MIR2052HG: variants seen among roughly 807,000 people sequenced by gnomAD.
MIR2052HG encodes the protein MIR2052 host gene.
At chr8:74,624,388 T>C (rs533350473) in intron 2 of MIR2052HG, among the ~76,000 whole-genome samples, 4 of 152,360 alleles carry the variant, frequency 2.6e-5, no homozygotes, top group Admixed American at 1.3e-4. Context: ...TTTGATCAGA[T>C]TGACTTTCTG....
intron 2 of MIR2052HG, among the ~76,000 whole-genome samples, chr8:74,685,978 A>C (rs1347900659): frequency 6.6e-6 from 1 of 152,054 alleles, no homozygotes; most frequent in African/African-American, 2.4e-5. Context: ...AGTTGATGTC[A>C]GACACCTATT....
intron 4 of MIR2052HG, among the ~76,000 whole-genome samples, chr8:74,707,609 G>A (rs1026369377): frequency 6.6e-6 from 1 of 152,046 alleles, no homozygotes; most frequent in Admixed American, 6.6e-5. Context: ...GGGCTATTGG[G>A]CTATTTTCAT....
intron 2 of MIR2052HG, among the ~76,000 whole-genome samples, chr8:74,623,615 C>T (rs1343285128): frequency 6.6e-6 from 1 of 152,130 alleles, no homozygotes; most frequent in East Asian, 1.9e-4. Context: ...TCAGTGGAGT[C>T]AGGTACTAAC....
At position 74,667,359 on chromosome 8, in the gene MIR2052HG, A is replaced by C. The variant is rs140933029; in HGVS notation, n.217-35020A>C. Among the ~76,000 whole-genome samples the C allele has an allele frequency of 2.2e-3, 333 of 152,320 alleles. 1 individual carries two copies. Among genetic ancestry groups the C allele is most frequent in the African/African-American group, 7.5e-3 (312 of 41,578 alleles). On this transcript the variant is annotated intron_variant and non_coding_transcript_variant, in intron 2 of 6. Transcript: ENST00000523442. ...GAAGGTCAGGAAAGGAACTCATATG[A>C]CAAAAGATAATGAGACAAATTAGCA...
intron 2 of MIR2052HG, among the ~76,000 whole-genome samples, chr8:74,673,340 A>G (rs982984656): frequency 1.3e-5 from 2 of 152,024 alleles, no homozygotes; most frequent in Non-Finnish European, 2.9e-5. Context: ...CTAGAGGGCC[A>G]CAATTGTCCT....
intron 2 of MIR2052HG, among the ~76,000 whole-genome samples, chr8:74,654,956 T>C (rs942917787): frequency 1.3e-5 from 2 of 152,048 alleles, no homozygotes; most frequent in Non-Finnish European, 2.9e-5. Flanking sequence ...GCTGAGAAGG[T>C]CTCAGATGGA....
Position 74,712,051 on chromosome 8 carries a change from T to C in MIR2052HG, n.371+8369T>C, listed in dbSNP as rs912792208. 8.5e-5 allele frequency among the ~76,000 whole-genome samples: 13 copies of C among 152,306 alleles called. 2 individuals are homozygous for C. Among genetic ancestry groups the C allele is most frequent in the Admixed American group, 3.3e-4 (5 of 15,298 alleles). ...GATGGTGGCATTTAAGGTTATACTC[T>C]GCAACCAGATCACATGAATTCAGAG... On this transcript the variant is annotated intron_variant and non_coding_transcript_variant, in intron 4 of 6. Transcript: ENST00000523442.
chr8:74,618,640 T>C (rs1310962562), intron 2 of MIR2052HG, among the ~76,000 whole-genome samples: 3 of 152,168 alleles, frequency 2.0e-5, no homozygotes, highest in Admixed American at 6.5e-5. Flanking sequence ...AGAAGAAATG[T>C]ACCAAAACAA....
chr8:74,649,435 C>G (rs979306404), intron 2 of MIR2052HG, among the ~76,000 whole-genome samples: 3 of 151,870 alleles, frequency 2.0e-5, no homozygotes. Flanking sequence ...GAAGACAGTT[C>G]TAAAAAGGAA....
At chr8:74,600,462 A>T (rs983698009) in intron 1 of MIR2052HG, among the ~76,000 whole-genome samples, 2 of 151,236 alleles carry the variant, frequency 1.3e-5, no homozygotes, top group Non-Finnish European at 3.0e-5. Flanking sequence ...ACATGCCTGT[A>T]ATCCCAGCTA....
At chr8:74,674,664 C>G (rs1172037793) in intron 2 of MIR2052HG, among the ~76,000 whole-genome samples, 2 of 151,850 alleles carry the variant, frequency 1.3e-5, no homozygotes, top group Admixed American at 6.6e-5. Flanking sequence ...TTCTGAATCT[C>G]TCTCCATCTT....
At chr8:74,746,642 C>T (rs187341071) in intron 4 of MIR2052HG, among the ~76,000 whole-genome samples, 4 of 146,924 alleles carry the variant, frequency 2.7e-5, no homozygotes, top group African/African-American at 1.0e-4. Context: ...TTACATTTGG[C>T]CTTGCATGAG....
chr8:74,649,399 A>G (rs967912247), intron 2 of MIR2052HG, among the ~76,000 whole-genome samples: 2 of 152,158 alleles, frequency 1.3e-5, no homozygotes, highest in Non-Finnish European at 2.9e-5. Flanking sequence ...TGATCATGCA[A>G]TTTAAAAATT....
At chr8:74,604,126 C>T (rs1808071107) in intron 1 of MIR2052HG, 6 of 895,996 alleles carry the variant, frequency 6.7e-6, no homozygotes, top group Middle Eastern at 2.1e-4. Context: ...ACTCTCCTCG[C>T]GCATCTTCTT....
At chr8:74,680,753 C>T (rs1193969812) in intron 2 of MIR2052HG, among the ~76,000 whole-genome samples, 2 of 152,066 alleles carry the variant, frequency 1.3e-5, no homozygotes, top group East Asian at 1.9e-4. Flanking sequence ...GTTATACAGA[C>T]ACATGCACAC....
chr8:74,669,582 T>A (rs897824319), intron 2 of MIR2052HG, among the ~76,000 whole-genome samples: 14 of 152,176 alleles, frequency 9.2e-5, no homozygotes, highest in African/African-American at 3.1e-4. Flanking sequence ...GAACCCCATA[T>A]GATGAACCTC....
intron 2 of MIR2052HG, among the ~76,000 whole-genome samples, chr8:74,617,669 A>G (rs1276781381): frequency 1.3e-5 from 2 of 152,186 alleles, no homozygotes; most frequent in African/African-American, 4.8e-5. Flanking sequence ...TGATAAGCAT[A>G]CAAGTGCAGG....
chr8:74,725,188 T>G (rs183283444), intron 4 of MIR2052HG, among the ~76,000 whole-genome samples: 1 of 152,320 alleles, frequency 6.6e-6, no homozygotes, highest in Admixed American at 6.5e-5. Context: ...TTGCAAACAG[T>G]AATTTTCCTA....
At chr8:74,681,336 T>C (rs1304795847) in intron 2 of MIR2052HG, among the ~76,000 whole-genome samples, 1 of 151,872 alleles carries the variant, frequency 6.6e-6, no homozygotes, top group East Asian at 1.9e-4. Context: ...TATTGGAAAA[T>C]ATATATATAG....
Sources: allele counts gnomAD v4.1 joint callset (sites outside exome capture counted in the v4.1 genomes callset), GRCh38; gene constraint gnomAD v4.1.1; transcripts MANE v1.5; gene names NCBI Gene and HGNC (gene_info 2026-07-23, HGNC 2026-07-21).